The following TMEM260 variants were observed in gnomAD, a reference collection of about 807,000 sequenced individuals.
The protein encoded by TMEM260 is transmembrane protein 260.
Under a neutral mutation model 88.9 loss-of-function variants are expected in TMEM260, and 82 were observed. The observed-to-expected ratio is 0.92, with a 90% CI of 0.77 to 1.11. TMEM260 has a LOEUF of 1.11. Among genes scored for constraint, TMEM260 ranks in the 50% least tolerant of loss-of-function variants. The pLI, the probability that TMEM260 is intolerant of heterozygous loss-of-function variation, is 0.00. For synonymous variants in TMEM260, 314 were observed against 309.3 expected, an observed-to-expected ratio of 1.02 and a Z score of -0.16; for missense variants, 902 against 853.4, an observed-to-expected ratio of 1.06 and a Z score of -0.71.
chr14:56,618,801 G>A (rs766125709), intron 10 of TMEM260, 38 bp downstream of exon 10: 1 of 1,572,682 alleles, frequency 6.4e-7, no homozygotes, highest in East Asian at 2.2e-5. Flanking sequence ...TAGCTGTCAA[G>A]CCAGAGATAC....
At chr14:56,644,436 A>G (rs1889816247) in intron 15 of TMEM260, among the ~76,000 whole-genome samples, 1 of 152,198 alleles carries the variant, frequency 6.6e-6, no homozygotes, top group African/African-American at 2.4e-5. Flanking sequence ...GGTGCTGGGA[A>G]AACTGGCTAG....
intron 1 of TMEM260, among the ~76,000 whole-genome samples, chr14:56,582,835 A>G (rs1427688633): frequency 2.0e-5 from 3 of 152,138 alleles, no homozygotes; most frequent in Middle Eastern, 3.2e-3. Context: ...TTAGATCTTT[A>G]TCAAGGTTAC....
upstream of TMEM260, chr14:56,579,692 G>A (rs1463830688): frequency 2.5e-6 from 1 of 396,942 alleles, no homozygotes; most frequent in Non-Finnish European, 4.4e-6. Flanking sequence ...ACGCCAATGC[G>A]TGGTGCACTG....
intron 15 of TMEM260, among the ~76,000 whole-genome samples, chr14:56,642,741 A>T (rs1889690532): frequency 2.0e-5 from 3 of 152,234 alleles, no homozygotes; most frequent in Admixed American, 1.3e-4. Flanking sequence ...TGAAAAGATC[A>T]ACAAAATTGA....
At chr14:56,619,633 T>C (rs928715488) in intron 10 of TMEM260, among the ~76,000 whole-genome samples, 1 of 152,218 alleles carries the variant, frequency 6.6e-6, no homozygotes, top group Admixed American at 6.5e-5. Flanking sequence ...TTTCCAGCAA[T>C]ATCAAGTACA....
At chr14:56,638,956 G>C (rs955091917) in intron 15 of TMEM260, among the ~76,000 whole-genome samples, 1 of 152,208 alleles carries the variant, frequency 6.6e-6, no homozygotes, top group Non-Finnish European at 1.5e-5. Context: ...CTCAAGATAT[G>C]GTACATGTGA....
At chr14:56,587,565 G>A (rs993995074) in intron 3 of TMEM260, among the ~76,000 whole-genome samples, 7 of 151,938 alleles carry the variant, frequency 4.6e-5, no homozygotes, top group African/African-American at 1.7e-4. Context: ...CATGGCTAAT[G>A]ATATATTTTA....
intron 15 of TMEM260, among the ~76,000 whole-genome samples, chr14:56,643,979 A>G (rs542434560): frequency 2.1e-4 from 32 of 152,252 alleles, no homozygotes; most frequent in African/African-American, 9.6e-5. Flanking sequence ...AAGGAGAACT[A>G]CAAACCACTG....
chr14:56,598,622 ACTAT>A (rs1367689193), intron 3 of TMEM260, among the ~76,000 whole-genome samples: 2 of 152,356 alleles, frequency 1.3e-5, no homozygotes, highest in African/African-American at 4.8e-5. Flanking sequence ...ATATAATGAG[ACTAT>A]CTTCTTACAG....
intron 11 of TMEM260, 48 bp from the exon 12 acceptor site, chr14:56,625,334 C>T (rs1347247710): frequency 6.3e-7 from 1 of 1,586,406 alleles, no homozygotes; most frequent in Non-Finnish European, 8.6e-7. Context: ...TTGATTCTTT[C>T]TAAGAAATAT....
At chr14:56,622,203 T>C (rs1177791302) in intron 11 of TMEM260, among the ~76,000 whole-genome samples, 3 of 151,412 alleles carry the variant, frequency 2.0e-5, no homozygotes, top group Admixed American at 6.6e-5. Context: ...ATTAGCCGGG[T>C]GTGGTGGCAC....
intron 10 of TMEM260, among the ~76,000 whole-genome samples, chr14:56,621,069 T>C (rs1887886630): frequency 6.6e-6 from 1 of 152,098 alleles, no homozygotes; most frequent in South Asian, 2.1e-4. Flanking sequence ...GTGGAAAGGA[T>C]CAACCTCTGC....
At chr14:56,632,500 C>A (rs966369486) in intron 12 of TMEM260, among the ~76,000 whole-genome samples, 2 of 152,184 alleles carry the variant, frequency 1.3e-5, no homozygotes, top group Non-Finnish European at 2.9e-5. Flanking sequence ...TGGGGGATTC[C>A]CTCCACTCTC....
chr14:56,608,124 A>G (rs1180928144), intron 5 of TMEM260, among the ~76,000 whole-genome samples: 2 of 152,254 alleles, frequency 1.3e-5, no homozygotes, highest in Non-Finnish European at 2.9e-5. Context: ...AAATGAAATC[A>G]GTACTGTAAT....
rs988081569 is a variant in TMEM260, at chr14:56,585,618, A to G, written c.193-143A>G. ...TTTGTATTGCCTCAAGAGGATTACA[A>G]TAGAAAACCACTATTCAAACATTTA... On this transcript the variant is annotated intron_variant, in intron 2 of 15. Transcript: ENST00000261556. 51 of 756,232 alleles carry G rather than the reference A, an allele frequency of 6.7e-5. No individual in the cohort carries two copies. In the African/African-American group the frequency reaches 7.7e-4, roughly 11 times the overall value. The allele number at this position is 756,232 out of a possible 1,614,324, so 46.8% of individuals were successfully genotyped here. A position where few individuals can be genotyped will look rare whatever the true frequency, so the allele number is the denominator to read the frequency against.
Position 56,622,827 on chromosome 14 carries a change from T to G in TMEM260, c.1398+1125T>G, listed in dbSNP as rs111524335. On this transcript the variant is annotated intron_variant, in intron 11 of 15. Transcript: ENST00000261556. ...AATAATTATAATTTTTGGAGAAAAC[T>G]TTATAAACAGATTTGTAAATATACA... Among the ~76,000 whole-genome samples the G allele has an allele frequency of 3.2e-3, 495 of 152,328 alleles. 7 individuals carry two copies. Among genetic ancestry groups the G allele is most frequent in the African/African-American group, 0.011 (474 of 41,584 alleles).
chr14:56,596,425 T>TACACAC (rs746453170), intron 3 of TMEM260, among the ~76,000 whole-genome samples: 4 of 135,638 alleles, frequency 2.9e-5, no homozygotes, highest in East Asian at 2.1e-4. Flanking sequence ...TATATATATA[T>TACACAC]ACATACACAC....
At chr14:56,625,179 C>T (rs1246347849) in intron 11 of TMEM260, among the ~76,000 whole-genome samples, 1 of 152,090 alleles carries the variant, frequency 6.6e-6, no homozygotes, top group Non-Finnish European at 1.5e-5. Context: ...ACTGATGTGA[C>T]TGATGATAGT....
intron 15 of TMEM260, among the ~76,000 whole-genome samples, chr14:56,637,191 A>G (rs781426404): frequency 8.5e-5 from 13 of 152,170 alleles, no homozygotes; most frequent in Non-Finnish European, 1.2e-4. Context: ...TAATAAATGT[A>G]TGTTGTTTAT....
Sources: allele counts gnomAD v4.1 joint callset (sites outside exome capture counted in the v4.1 genomes callset), GRCh38; gene constraint gnomAD v4.1.1; transcripts MANE v1.5; gene names NCBI Gene and HGNC (gene_info 2026-07-23, HGNC 2026-07-21).